ANXA4: variants seen among roughly 807,000 people sequenced by gnomAD.
The protein encoded by ANXA4 is 35-beta calcimedin.
ANXA4 carries 39 observed loss-of-function variants against 49.8 expected under a neutral mutation model. That is an observed-to-expected ratio of 0.78 (90% confidence interval 0.61 to 1.02). ANXA4 has a LOEUF of 1.02. ANXA4 is among the 50% of genes least tolerant of loss of function. The probability of loss-of-function intolerance (pLI) is 0.00; values close to 1 mark genes in which losing one functional copy is unlikely to be tolerated. For missense variants in ANXA4, 360 were observed against 410.1 expected (o/e 0.88, Z 1.05); for synonymous variants, 134 against 152.5 (o/e 0.88, Z 0.89).
At chr2:69,753,894 A>G (rs12622388) in intron 1 of ANXA4, among the ~76,000 whole-genome samples, 42,500 of 152,162 alleles carry the variant, frequency 0.28, 6,031 homozygotes, top group East Asian at 0.36. Flanking sequence ...AACTGCTACT[A>G]TCCCAATTTT....
At chr2:69,644,554 G>A (rs1290190352) in exon 1 of ANXA4, 2 of 152,160 alleles carry the variant, frequency 1.3e-5, no homozygotes, top group African/African-American at 4.8e-5. Flanking sequence ...ACAGTGTCTC[G>A]TCTGGAAATG....
At chr2:69,676,880 G>T (rs190253624) in intron 2 of ANXA4, among the ~76,000 whole-genome samples, 1 of 149,482 alleles carries the variant, frequency 6.7e-6, no homozygotes, top group African/African-American at 2.6e-5. Context: ...GCGACAGAGC[G>T]GGGGAAAAAA....
At chr2:69,814,743 GGTGT>G (rs754855168) in intron 8 of ANXA4, 7,816 of 123,460 alleles carry the variant, frequency 0.063, 302 homozygotes, top group Middle Eastern at 0.11. Flanking sequence ...GACACAGAGG[GGTGT>G]GTGTGTGTGT....
chr2:69,824,230 C>T (rs539633995), intron 12 of ANXA4, among the ~76,000 whole-genome samples: 8 of 152,050 alleles, frequency 5.3e-5, no homozygotes, highest in Admixed American at 1.3e-4. Context: ...AGGCTGGGTG[C>T]GGTGGCTCAC....
At chr2:69,648,617 A>G (rs1451946738) in intron 1 of ANXA4, among the ~76,000 whole-genome samples, 1 of 152,108 alleles carries the variant, frequency 6.6e-6, no homozygotes. Context: ...TGAGGTCAGG[A>G]CTTCAAGACC....
At chr2:69,718,802 T>C (rs994174549) in intron 2 of ANXA4, among the ~76,000 whole-genome samples, 8 of 151,666 alleles carry the variant, frequency 5.3e-5, no homozygotes, top group Admixed American at 2.6e-4. Context: ...CATACGTGCA[T>C]ACACACACAT....
intron 2 of ANXA4, among the ~76,000 whole-genome samples, chr2:69,717,702 C>G (rs111454594): frequency 6.6e-6 from 1 of 152,178 alleles, no homozygotes; most frequent in Admixed American, 6.5e-5. Flanking sequence ...TTCCCTGTGA[C>G]CCCTCCCCAC....
At chr2:69,742,893 C>G (rs1465497831) in intron 1 of ANXA4, among the ~76,000 whole-genome samples, 1 of 152,228 alleles carries the variant, frequency 6.6e-6, no homozygotes, top group East Asian at 1.9e-4. Context: ...CATCTGCTCT[C>G]TCCTGCTGAC....
intron 2 of ANXA4, among the ~76,000 whole-genome samples, chr2:69,688,415 T>C (rs1376677545): frequency 6.6e-6 from 1 of 152,206 alleles, no homozygotes; most frequent in African/African-American, 2.4e-5. Context: ...CAGTGAGAAA[T>C]TGTGACGTCA....
chr2:69,783,030 AAT>A (rs1318188474), intron 2 of ANXA4, among the ~76,000 whole-genome samples: 2 of 152,186 alleles, frequency 1.3e-5, no homozygotes, highest in African/African-American at 4.8e-5. Flanking sequence ...GAGCATAAAT[AAT>A]AGTTTTGTAG....
At chr2:69,723,483 G>A (rs1053208659) in intron 3 of ANXA4, among the ~76,000 whole-genome samples, 2 of 152,148 alleles carry the variant, frequency 1.3e-5, no homozygotes, top group African/African-American at 4.8e-5. Flanking sequence ...CAAGCAGAGA[G>A]ACTCTTGTTC....
chr2:69,820,566 CT>C (rs1197589768), intron 11 of ANXA4, 132 bp from the exon 12 acceptor site: 1 of 1,024,748 alleles, frequency 9.8e-7, no homozygotes, highest in East Asian at 2.5e-5. Flanking sequence ...GAGGATATTC[CT>C]CAGGCCTGCC....
intron 12 of ANXA4, among the ~76,000 whole-genome samples, chr2:69,824,380 G>A (rs1054820838): frequency 6.6e-6 from 1 of 151,968 alleles, no homozygotes; most frequent in Admixed American, 6.6e-5. Context: ...GTGTGTACCT[G>A]TAGTGCCAGC....
At chr2:69,727,772 G>A (rs1207243222) in intron 3 of ANXA4, among the ~76,000 whole-genome samples, 1 of 152,030 alleles carries the variant, frequency 6.6e-6, no homozygotes, top group Non-Finnish European at 1.5e-5. Context: ...AATTAACATT[G>A]GTACCCATCT....
chr2:69,794,109 T>C (rs745456920), intron 3 of ANXA4, among the ~76,000 whole-genome samples: 1 of 152,220 alleles, frequency 6.6e-6, no homozygotes, highest in Non-Finnish European at 1.5e-5. Flanking sequence ...CAGTTTTCTC[T>C]GGGAGAAAGT....
chr2:69,688,225 T>C (rs2105368408), intron 2 of ANXA4, among the ~76,000 whole-genome samples: 1 of 152,380 alleles, frequency 6.6e-6, no homozygotes, highest in East Asian at 1.9e-4. Context: ...AATTGCATTA[T>C]GGCATATTTA....
chr2:69,806,412 C>T lies in ANXA4; in HGVS notation c.220C>T (p.Leu74=), dbSNP rs1371785539. The change falls in exon 5 of 13, where the codon CTG becomes TTG. Residue 74 remains leucine (L), a synonymous_variant. Transcript: ENST00000394295. ...CTTGATAGACGACCTGAAGTCAGAA[C>T]TGAGTGGCAACTTCGAGCAGGTGAT... is the stretch of plus-strand genomic sequence containing the variant. The part of the protein sequence containing the change: ...RDLIDDLKSE[L]SGNFEQVIVG... 6.2e-7 allele frequency: 1 copy of T among 1,614,148 alleles called. No individual in the cohort carries two copies. The highest frequency in any genetic ancestry group is 1.1e-5 in the South Asian group (1 of 91,082).
At position 69,645,056 on chromosome 2, in the gene ANXA4, G is replaced by C. The variant is rs149278365; in HGVS notation, n.481+151G>C. Among the ~76,000 whole-genome samples, 206 of 152,154 alleles carry C rather than the reference G, an allele frequency of 1.4e-3. 1 individual carries two copies. Among genetic ancestry groups the C allele is most frequent in the African/African-American group, 4.7e-3 (197 of 41,510 alleles). Reference sequence around the variant, plus strand: ...TATGGGTTATTGTTCATCTCTGCCCGCTTTCCCCACTCCCTAGTGCTTGTC... The same window carrying C: ...TATGGGTTATTGTTCATCTCTGCCCCCTTTCCCCACTCCCTAGTGCTTGTC... On this transcript the variant is annotated intron_variant and non_coding_transcript_variant, in intron 1 of 3. Transcript: ENST00000418066.
chr2:69,688,389 A>G (rs1303318298), intron 2 of ANXA4, among the ~76,000 whole-genome samples: 1 of 152,194 alleles, frequency 6.6e-6, no homozygotes, highest in African/African-American at 2.4e-5. Context: ...TTCAACTAGG[A>G]GAATAGTGAG....
Sources: allele counts gnomAD v4.1 joint callset (sites outside exome capture counted in the v4.1 genomes callset), GRCh38; gene constraint gnomAD v4.1.1; transcripts MANE v1.5; gene names NCBI Gene and HGNC (gene_info 2026-07-23, HGNC 2026-07-21).